Variants in KALRN observed in about 807,000 individuals in gnomAD.
KALRN encodes kalirin RhoGEF kinase, also known as kalirin.
A neutral mutation model predicts 353.7 loss-of-function variants in KALRN; 70 were observed. The ratio of observed to expected loss-of-function variants is 0.20; its 90% CI spans 0.16 to 0.24. The LOEUF is 0.24. Among genes scored for constraint, KALRN ranks in the 10% least tolerant of loss-of-function variants. KALRN has a pLI of 1.00. For synonymous variants in KALRN, 1,391 were observed against 1,434.8 expected (o/e 0.97, Z 0.69); for missense variants, 2,791 against 3,756.7 (o/e 0.74, Z 6.72).
chr3:124,311,321 G>A (rs1190717429), intron 6 of KALRN, among the ~76,000 whole-genome samples: 1 of 151,738 alleles, frequency 6.6e-6, no homozygotes, highest in Non-Finnish European at 1.5e-5. Flanking sequence ...AAACTAACTG[G>A]GCATGGTGGG....
At chr3:124,511,531 G>A (rs895388868) in intron 33 of KALRN, among the ~76,000 whole-genome samples, 2 of 152,118 alleles carry the variant, frequency 1.3e-5, no homozygotes, top group African/African-American at 4.8e-5. Flanking sequence ...CTGTATAATA[G>A]GCAAGGTCTG....
chr3:124,372,210 C>A (rs949643255), intron 10 of KALRN, among the ~76,000 whole-genome samples: 8 of 152,098 alleles, frequency 5.3e-5, no homozygotes, highest in Admixed American at 2.6e-4. Flanking sequence ...CAATGCCCTG[C>A]ATATAATTTT....
intron 37 of KALRN, among the ~76,000 whole-genome samples, chr3:124,643,346 T>C (rs375264767): frequency 1.3e-5 from 2 of 152,068 alleles, no homozygotes; most frequent in African/African-American, 4.8e-5. Context: ...CAGTTACAAA[T>C]CTGAAATGTC....
At position 124,642,806 on chromosome 3, in the gene KALRN, G is replaced by GTTGTTGTTTTTTTT. The variant is rs796628603; in HGVS notation, c.5664+5505_5664+5506insGTTGTTTTTTTTTT. Among the ~76,000 whole-genome samples the GTTGTTGTTTTTTTT allele has an allele frequency of 8.8e-4, 85 of 96,814 alleles. 2 individuals are homozygous for GTTGTTGTTTTTTTT. Among genetic ancestry groups the GTTGTTGTTTTTTTT allele is most frequent in the African/African-American group, 3.5e-3 (79 of 22,302 alleles). The allele number at this position is 96,814 out of a possible 152,430, so 63.5% of individuals were successfully genotyped here. ...TCTGTGGAAGAGATTCCCAAGCCTC[G>GTTGTTGTTTTTTTT]TTTTTTTTTTTTTTTTTTTTGAGAC... On this transcript the variant is annotated intron_variant, in intron 37 of 59. Coordinates refer to ENST00000682506, the MANE Select transcript of KALRN (RefSeq NM_001388419.1).
At chr3:124,584,581 G>A (rs753703932) in intron 34 of KALRN, 52 of 1,352,766 alleles carry the variant, frequency 3.8e-5, no homozygotes, top group Non-Finnish European at 5.0e-5. Context: ...CAGGTCTCCT[G>A]CCCACAGCTG....
At chr3:124,355,141 T>C (rs1026188022) in intron 10 of KALRN, among the ~76,000 whole-genome samples, 1 of 152,192 alleles carries the variant, frequency 6.6e-6, no homozygotes, top group African/African-American at 2.4e-5. Context: ...ATGTGAATCA[T>C]TGTAGAAAAG....
intron 1 of KALRN, among the ~76,000 whole-genome samples, chr3:124,171,291 C>G (rs2071785556): frequency 6.6e-6 from 1 of 152,174 alleles, no homozygotes; most frequent in African/African-American, 2.4e-5. Context: ...TACCTGGAGT[C>G]ACTCATGTAG....
At chr3:124,339,210 C>T (rs2081428950) in intron 9 of KALRN, among the ~76,000 whole-genome samples, 1 of 152,140 alleles carries the variant, frequency 6.6e-6, no homozygotes, top group Admixed American at 6.5e-5. Flanking sequence ...AGGACCCAGC[C>T]TCCGCTCTGC....
chr3:124,185,792 C>T (rs768358582), intron 1 of KALRN, among the ~76,000 whole-genome samples: 34 of 152,174 alleles, frequency 2.2e-4, no homozygotes, highest in Non-Finnish European at 4.4e-4. Flanking sequence ...CAAGGCCACT[C>T]AAGGGTCATT....
intron 33 of KALRN, among the ~76,000 whole-genome samples, chr3:124,534,729 T>C (rs187482926): frequency 1.3e-5 from 2 of 152,146 alleles, no homozygotes; most frequent in East Asian, 1.9e-4. Context: ...AGATATGAGG[T>C]GTCTAATTCT....
At chr3:124,612,539 G>A (rs1282854674) in intron 34 of KALRN, among the ~76,000 whole-genome samples, 3 of 152,266 alleles carry the variant, frequency 2.0e-5, no homozygotes, top group South Asian at 2.1e-4. Flanking sequence ...GTTTCACCAT[G>A]TTGGCCAGGC....
At chr3:124,286,093 T>TTCTTTCTTTCTTTC (rs2075831001) in intron 5 of KALRN, among the ~76,000 whole-genome samples, 2 of 140,912 alleles carry the variant, frequency 1.4e-5, no homozygotes, top group African/African-American at 5.4e-5. Flanking sequence ...CTTTCTTTCT[T>TTCTTTCTTTCTTTC]TCTTTCTTTC....
chr3:124,468,041 C>T (rs1577176941), intron 25 of KALRN, among the ~76,000 whole-genome samples: 1 of 151,552 alleles, frequency 6.6e-6, no homozygotes, highest in Admixed American at 6.6e-5. Flanking sequence ...AGAAGGAGAT[C>T]GAGGGAAAGA....
chr3:124,650,666 T>A lies in KALRN; in HGVS notation c.5665-142T>A, dbSNP rs542224887. 187 of 759,514 alleles carry A rather than the reference T, an allele frequency of 2.5e-4. 2 individuals are homozygous for A. In the African/African-American group the frequency reaches 3.0e-3, roughly 12 times the overall value. The allele number at this position is 759,514 out of a possible 1,614,324, so 47.0% of individuals were successfully genotyped here. A position where few individuals can be genotyped will look rare whatever the true frequency, so the allele number is the denominator to read the frequency against. ...CTGCAGGAGGATAAAGTCTCTGGTCTGCTAGTGCTTCACTGTGGTTTGGTG... is the reference window on the plus strand; with the variant it reads ...CTGCAGGAGGATAAAGTCTCTGGTCAGCTAGTGCTTCACTGTGGTTTGGTG... On this transcript the variant is annotated intron_variant, in intron 37 of 59. Transcript: ENST00000682506.
chr3:124,280,504 G>A (rs1464753211), intron 5 of KALRN, among the ~76,000 whole-genome samples: 1 of 152,172 alleles, frequency 6.6e-6, no homozygotes, highest in Non-Finnish European at 1.5e-5. Flanking sequence ...ATTTTCGTTT[G>A]ACGTGGGCTC....
intron 10 of KALRN, among the ~76,000 whole-genome samples, chr3:124,358,019 T>C (rs2083612929): frequency 6.6e-6 from 1 of 152,106 alleles, no homozygotes; most frequent in South Asian, 2.1e-4. Flanking sequence ...CAGAACCACA[T>C]AACCTGGAAC....
chr3:124,104,142 C>G (rs945744297), intron 1 of KALRN, among the ~76,000 whole-genome samples: 2 of 152,180 alleles, frequency 1.3e-5, no homozygotes, highest in Non-Finnish European at 2.9e-5. Context: ...GCCGCAGGTA[C>G]TCTTTCATGT....
intron 4 of KALRN, among the ~76,000 whole-genome samples, chr3:124,266,967 G>A (rs916110533): frequency 1.3e-5 from 2 of 152,134 alleles, no homozygotes; most frequent in African/African-American, 4.8e-5. Context: ...AGCATTGCTG[G>A]CCTGCATGTC....
At chr3:124,344,622 TG>T (rs1299639312) in intron 9 of KALRN, among the ~76,000 whole-genome samples, 3 of 152,262 alleles carry the variant, frequency 2.0e-5, no homozygotes, top group South Asian at 2.1e-4. Context: ...ATTTGCTTTT[TG>T]ATTTGTTAAA....
Sources: gnomAD v4.1 joint callset for allele counts (sites outside exome capture counted in the v4.1 genomes callset) on GRCh38, gnomAD v4.1.1 for gene constraint, MANE v1.5 for transcripts, NCBI Gene and HGNC (gene_info 2026-07-23, HGNC 2026-07-21) for gene names.